Variants in ADGRB3 observed in about 807,000 individuals in gnomAD.
ADGRB3 encodes adhesion G protein-coupled receptor B3.
A neutral mutation model predicts 193.4 loss-of-function variants in ADGRB3; 37 were observed. That is an observed-to-expected ratio of 0.19 (90% CI 0.15 to 0.25). The LOEUF (loss-of-function observed/expected upper bound fraction) is 0.25. Ranked by LOEUF, ADGRB3 falls within the 10% of genes least tolerant of loss-of-function variation. The pLI, the probability that ADGRB3 is intolerant of heterozygous loss-of-function variation, is 1.00. For missense variants in ADGRB3, 1,637 were observed against 1,852.9 expected (o/e 0.88, Z 2.14); for synonymous variants, 690 against 644.2 (o/e 1.07, Z -1.08).
chr6:68,975,237 C>T lies in ADGRB3; in HGVS notation c.1631C>T (p.Thr544Ile). 1.2e-6 allele frequency: 2 copies of T among 1,613,622 alleles called. No individual in the cohort carries two copies. The part of the protein sequence containing the change: ...FNQCPLNATG[T>I]TSRRCSLSLH... ...CTCTGTTCTTTGTGACACACAGGCA[C>T]CACTAGCAGACGCTGCTCTCTCAGT... The change falls in exon 10 of 32, where the codon ACC (threonine) becomes ATC (isoleucine). Residue 544 changes from threonine (T) to isoleucine (I), a missense_variant. By Grantham distance (89) the Thr-to-Ile change is moderately conservative. Around this residue, in one of 7 missense-constraint regions of ADGRB3, gnomAD observed 641 missense variants for 673.9 expected, o/e 0.95. Transcript: ENST00000370598.
At chr6:69,244,843 C>G (rs918379266) in intron 20 of ADGRB3, among the ~76,000 whole-genome samples, 1 of 151,974 alleles carries the variant, frequency 6.6e-6, no homozygotes, top group African/African-American at 2.4e-5. Flanking sequence ...CAGCACTTAA[C>G]CCAGAGAGTG....
intron 17 of ADGRB3, among the ~76,000 whole-genome samples, chr6:69,191,214 C>T (rs1417852761): frequency 6.6e-6 from 1 of 152,128 alleles, no homozygotes; most frequent in Non-Finnish European, 1.5e-5. Context: ...TCACTTTGTA[C>T]TCCTAGTTCA....
chr6:69,339,739 G>A (rs972525222), intron 26 of ADGRB3, among the ~76,000 whole-genome samples: 2 of 152,128 alleles, frequency 1.3e-5, no homozygotes, highest in Non-Finnish European at 2.9e-5. Flanking sequence ...ACAACCAGAG[G>A]TGTCAAAAGC....
chr6:69,180,131 G>T (rs182081174), intron 17 of ADGRB3, among the ~76,000 whole-genome samples: 7 of 152,246 alleles, frequency 4.6e-5, no homozygotes, highest in Admixed American at 4.6e-4. Context: ...TGAGTTTTCT[G>T]TATGAGAATG....
chr6:68,665,328 C>T (rs9454606), intron 3 of ADGRB3, among the ~76,000 whole-genome samples: 2 of 151,576 alleles, frequency 1.3e-5, no homozygotes, highest in South Asian at 4.2e-4. Context: ...TTTTCTTTCT[C>T]TTTATATTTG....
Position 68,721,474 on chromosome 6 carries a change from T to C in ADGRB3, c.757+82042T>C, listed in dbSNP as rs1013500549. Among the ~76,000 whole-genome samples the C allele has an allele frequency of 9.4e-5, 13 of 138,746 alleles. No individual in the cohort carries two copies. The East Asian group carries it at 2.5e-3, about 27-fold the overall frequency. The allele number at this position is 138,746 out of a possible 152,430, so 91.0% of individuals were successfully genotyped here. A position where few individuals can be genotyped will look rare whatever the true frequency, so the allele number is the denominator to read the frequency against. On this transcript the variant is annotated intron_variant, in intron 3 of 31. Transcript: ENST00000370598. ...GGGAACATCACACACTGGGGCCTGTTGTGGGGTGGGGGCAGGGGGGAGGGA... is the reference window on the plus strand; with the variant it reads ...GGGAACATCACACACTGGGGCCTGTCGTGGGGTGGGGGCAGGGGGGAGGGA...
chr6:69,262,847 G>A (rs1766958822), intron 20 of ADGRB3, among the ~76,000 whole-genome samples: 1 of 151,784 alleles, frequency 6.6e-6, no homozygotes, highest in Non-Finnish European at 1.5e-5. Context: ...TTATAGATAG[G>A]GTTTGGTAGT....
chr6:69,321,336 G>A (rs557712321), intron 20 of ADGRB3, among the ~76,000 whole-genome samples: 1 of 151,786 alleles, frequency 6.6e-6, no homozygotes, highest in Admixed American at 6.6e-5. Context: ...CCAGTTAGGG[G>A]TTTGGCAAGG....
chr6:69,211,196 G>A (rs1765660122), intron 17 of ADGRB3, among the ~76,000 whole-genome samples: 1 of 152,126 alleles, frequency 6.6e-6, no homozygotes, highest in African/African-American at 2.4e-5. Context: ...AAGGGAGAAA[G>A]TTCTCTTTGT....
chr6:69,284,993 G>GA (rs1317507401), intron 20 of ADGRB3, among the ~76,000 whole-genome samples: 5 of 152,098 alleles, frequency 3.3e-5, no homozygotes, highest in African/African-American at 4.8e-5. Context: ...CATCAAGAAT[G>GA]AAAAAATGAT....
intron 3 of ADGRB3, among the ~76,000 whole-genome samples, chr6:68,757,607 T>A (rs922396003): frequency 1.3e-5 from 2 of 152,162 alleles, no homozygotes; most frequent in African/African-American, 4.8e-5. Context: ...TCATTTCCTA[T>A]GTCTCCTGAA....
At chr6:69,040,315 TTC>T (rs1156630150) in intron 13 of ADGRB3, among the ~76,000 whole-genome samples, 1 of 38,090 alleles carries the variant, frequency 2.6e-5, no homozygotes, top group Non-Finnish European at 5.2e-5. Flanking sequence ...GTCTCTTTCT[TTC>T]TTTCTTTCTT....
chr6:68,643,057 A>C (rs1768118564), intron 3 of ADGRB3, among the ~76,000 whole-genome samples: 1 of 152,224 alleles, frequency 6.6e-6, no homozygotes. Flanking sequence ...ATTCTACACC[A>C]GGATATCTAA....
At chr6:69,076,563 AATAAGT>A (rs1350857127) in intron 17 of ADGRB3, among the ~76,000 whole-genome samples, 1 of 152,028 alleles carries the variant, frequency 6.6e-6, no homozygotes, top group Non-Finnish European at 1.5e-5. Context: ...AATTGCACTA[AATAAGT>A]ATGAGTAATT....
intron 17 of ADGRB3, among the ~76,000 whole-genome samples, chr6:69,110,955 T>G (rs756078989): frequency 6.6e-6 from 1 of 152,184 alleles, no homozygotes; most frequent in African/African-American, 2.4e-5. Context: ...GAAAGGAAAT[T>G]ACGTTTTTTC....
At chr6:68,663,124 C>G (rs1029079759) in intron 3 of ADGRB3, among the ~76,000 whole-genome samples, 8 of 151,006 alleles carry the variant, frequency 5.3e-5, no homozygotes, top group Non-Finnish European at 8.9e-5. Context: ...TTTGACTTAC[C>G]TCTGTTATTT....
In ADGRB3 at chr6:68,716,188, GC is replaced by G. The variant is rs68074630; in HGVS notation, c.757+76757del. On this transcript the variant is annotated intron_variant, in intron 3 of 31. Transcript: ENST00000370598. ...CTGTAGTTTCTTCAGTGACCACATTGCTTTTTTCATGTAAATGTCTGGGAAT... is the reference window on the plus strand; with the variant it reads ...CTGTAGTTTCTTCAGTGACCACATTGTTTTTTCATGTAAATGTCTGGGAAT... 9.8e-3 allele frequency among the ~76,000 whole-genome samples: 1,484 copies of G among 151,774 alleles called. 31 individuals carry two copies. Among genetic ancestry groups the G allele is most frequent in the African/African-American group, 0.034 (1,428 of 41,464 alleles).
chr6:68,778,780 T>C (rs1766798029), intron 3 of ADGRB3, among the ~76,000 whole-genome samples: 1 of 151,952 alleles, frequency 6.6e-6, no homozygotes, highest in Non-Finnish European at 1.5e-5. Context: ...GTCCCCATTT[T>C]CCCCCATTCT....
intron 31 of ADGRB3, among the ~76,000 whole-genome samples, chr6:69,385,224 TCTTA>T: frequency 6.6e-6 from 1 of 152,130 alleles, no homozygotes; most frequent in South Asian, 2.1e-4. Flanking sequence ...TTTTGCAAAT[TCTTA>T]CTTTTTAAAA....
Sources: gnomAD v4.1 joint callset for allele counts (sites outside exome capture counted in the v4.1 genomes callset) on GRCh38, gnomAD v4.1.1 for gene constraint, gnomAD v4.1.1 regional missense constraint, MANE v1.5 for transcripts, NCBI Gene and HGNC (gene_info 2026-07-23, HGNC 2026-07-21) for gene names.